The following CSDC2 variants were observed in gnomAD, a reference collection of about 807,000 sequenced individuals.
CSDC2 encodes the protein cold shock domain containing C2, also known as cold shock domain-containing protein C2.
A neutral mutation model predicts 15.8 loss-of-function variants in CSDC2; 8 were observed. That is an observed-to-expected ratio of 0.51 (90% CI 0.30 to 0.92). CSDC2 has a LOEUF of 0.92. CSDC2 is among the 40% of genes least tolerant of loss of function. The pLI, the probability that CSDC2 is intolerant of heterozygous loss-of-function variation, is 0.07. For synonymous variants in CSDC2, 96 were observed against 92.3 expected (o/e 1.04, Z -0.23); for missense variants, 195 against 213.3 (o/e 0.91, Z 0.53).
intron 1 of CSDC2, among the ~76,000 whole-genome samples, chr22:41,561,401 A>ATGTCTG (rs556364297): frequency 1.1e-3 from 161 of 152,182 alleles, no homozygotes; most frequent in Admixed American, 1.8e-3. Context: ...CCGTGGGAGC[A>ATGTCTG]TGTCTGTGTC....
chr22:41,561,892 C>A (rs1335859567), intron 1 of CSDC2, among the ~76,000 whole-genome samples: 1 of 152,178 alleles, frequency 6.6e-6, no homozygotes, highest in East Asian at 1.9e-4. Context: ...GATACAGGGA[C>A]TTAGGGTGGC....
Position 41,573,679 on chromosome 22 carries a change from C to T in CSDC2, c.201C>T (p.Pro67=). The T allele has an allele frequency of 3.1e-6, 5 of 1,613,484 alleles. No homozygotes were observed. The highest frequency in any genetic ancestry group is 3.4e-6 in the Non-Finnish European group (4 of 1,179,706). The change falls in exon 3 of 4, where the codon CCC becomes CCT. Residue 67 remains proline, a synonymous_variant. Coordinates refer to ENST00000306149, the MANE Select transcript of CSDC2 (RefSeq NM_014460.4). The part of the protein sequence containing the change: ...YSATARASAG[P]VFKGVCKQFS... ...GGACAGCCCGGGCCTCAGCTGGCCC[C>T]GTGTTCAAGGGCGTCTGTAAGCAGT...
chr22:41,565,949 C>T (rs954339784), intron 1 of CSDC2, among the ~76,000 whole-genome samples: 4 of 152,220 alleles, frequency 2.6e-5, no homozygotes, highest in East Asian at 1.9e-4. Flanking sequence ...TGGCTCCTCC[C>T]GACAACCTGG....
intron 1 of CSDC2, among the ~76,000 whole-genome samples, chr22:41,562,543 G>A (rs958790686): frequency 2.6e-5 from 4 of 152,132 alleles, no homozygotes; most frequent in African/African-American, 9.7e-5. Flanking sequence ...GATGCGCAGG[G>A]GGATTCCCTG....
Position 41,575,101 on chromosome 22 carries a change from G to A in CSDC2, c.*206G>A, listed in dbSNP as rs547490716. The A allele has an allele frequency of 3.1e-6, 2 of 642,088 alleles. No individual in the cohort carries two copies. The highest frequency in any genetic ancestry group is 1.8e-5 in the African/African-American group (1 of 54,584). The allele number at this position is 642,088 out of a possible 1,614,324, so 39.8% of individuals were successfully genotyped here. A position where few individuals can be genotyped will look rare whatever the true frequency, so the allele number is the denominator to read the frequency against. ...CGTGACTACTGTGCAAGCTGGCCAG[G>A]AGGTAGGTGGAGGGCAAGGCCACCA... is the stretch of plus-strand genomic sequence containing the variant. On this transcript the variant is annotated 3_prime_UTR_variant, in exon 4 of 4. Coordinates refer to ENST00000306149, the MANE Select transcript of CSDC2 (RefSeq NM_014460.4).
intron 1 of CSDC2, among the ~76,000 whole-genome samples, chr22:41,569,717 T>C (rs991709575): frequency 9.9e-5 from 15 of 152,044 alleles, no homozygotes; most frequent in Non-Finnish European, 1.8e-4. Context: ...TGTTGGCTGT[T>C]GTGAATGAGC....
rs528423858 is a variant in CSDC2 at position 41,573,627 on chromosome 22, A to G, written c.177-28A>G. The G allele has an allele frequency of 1.0e-5, 16 of 1,592,236 alleles. No homozygotes were observed. The South Asian group carries it at 1.7e-4, about 17-fold the overall frequency. Reference sequence around the variant, plus strand: ...TCCGGGGAGGAGTTCCTCAGGCCACAGCTCCAATCCCACTACCCTATCTCC... The same window carrying G: ...TCCGGGGAGGAGTTCCTCAGGCCACGGCTCCAATCCCACTACCCTATCTCC... On this transcript the variant is annotated intron_variant, in intron 2 of 3. Transcript: ENST00000306149.
intron 1 of CSDC2, among the ~76,000 whole-genome samples, chr22:41,571,592 G>A (rs769628065): frequency 2.6e-5 from 4 of 152,122 alleles, no homozygotes; most frequent in Non-Finnish European, 4.4e-5. Context: ...GACCATCACT[G>A]GCCACCCTAC....
chr22:41,562,280 T>G (rs2067090476), intron 1 of CSDC2, among the ~76,000 whole-genome samples: 1 of 151,988 alleles, frequency 6.6e-6, no homozygotes, highest in South Asian at 2.1e-4. Context: ...CAGAGTCCTC[T>G]GGACCCTCCA....
chr22:41,563,580 T>C (rs546241442), intron 1 of CSDC2, among the ~76,000 whole-genome samples: 1 of 151,962 alleles, frequency 6.6e-6, no homozygotes, highest in South Asian at 2.1e-4. Flanking sequence ...AAGCCAGAAA[T>C]AAAAGCCCCA....
Position 41,561,101 on chromosome 22 carries a change from T to C in CSDC2, c.-206T>C, listed in dbSNP as rs1221243616. The C allele has an allele frequency of 6.7e-6, 1 of 148,300 alleles. No homozygotes were observed. Among genetic ancestry groups the C allele is most frequent in the Non-Finnish European group, 1.5e-5 (1 of 68,366 alleles). 9.2% of individuals were successfully genotyped at this position (148,300 alleles called of 1,614,324 possible). A position where few individuals can be genotyped will look rare whatever the true frequency, so the allele number is the denominator to read the frequency against. Reference sequence around the variant, plus strand: ...ACACACATCTTCCAGACCCATCCCCTGCCTGCCAGCTCCACGAGCCAGAGA... The same window carrying C: ...ACACACATCTTCCAGACCCATCCCCCGCCTGCCAGCTCCACGAGCCAGAGA... On this transcript the variant is annotated 5_prime_UTR_variant, in exon 1 of 4. Coordinates refer to ENST00000306149, the MANE Select transcript of CSDC2 (RefSeq NM_014460.4).
rs1012039517 is a variant in CSDC2 at position 41,572,003 on chromosome 22, C to T, written c.38C>T (p.Pro13Leu). 15 of 1,364,090 alleles carry T rather than the reference C, an allele frequency of 1.1e-5. No individual in the cohort carries two copies. Among genetic ancestry groups the T allele is most frequent in the Non-Finnish European group, 1.4e-5 (15 of 1,056,822 alleles). 84.5% of individuals were successfully genotyped at this position (1,364,090 alleles called of 1,614,324 possible). Residue 13 changes from proline (P) to leucine (L), a missense_variant, in exon 2 of 4, where the codon CCG becomes CTG. Transcript: ENST00000306149. ...TCGACGTCACCCCCAGTTGTGCCCC[C>T]GCTCCACTCCCCCAAGTCCCCAGTC... ...SESTSPPVVP[P>L]LHSPKSPVWP...
chr22:41,571,226 C>T (rs542317843), intron 1 of CSDC2, among the ~76,000 whole-genome samples: 13 of 151,584 alleles, frequency 8.6e-5, no homozygotes, highest in South Asian at 6.2e-4. Flanking sequence ...TGGTGGCAGG[C>T]GCCTGTAATC....
Position 41,572,028 on chromosome 22 carries a change from C to T in CSDC2, c.63C>T (p.Val21=). The T allele has an allele frequency of 7.3e-7, 1 of 1,362,378 alleles. No individual in the cohort carries two copies. Among genetic ancestry groups the T allele is most frequent in the African/African-American group, 1.5e-5 (1 of 65,982 alleles). The allele number at this position is 1,362,378 out of a possible 1,614,324, so 84.4% of individuals were successfully genotyped here. ...CGCTCCACTCCCCCAAGTCCCCAGT[C>T]TGGCCCACCTTCCCCTTCCACAGGG... ...VPPLHSPKSP[V]WPTFPFHREG... The change falls in exon 2 of 4, where the codon GTC becomes GTT. Residue 21 remains valine (V), a synonymous_variant. Transcript: ENST00000306149.
In CSDC2 at chr22:41,572,075, G is replaced by A. The variant is rs541183485; in HGVS notation, c.110G>A (p.Arg37Gln). 30 of 1,361,224 alleles carry A rather than the reference G, an allele frequency of 2.2e-5. No homozygotes were observed. Among genetic ancestry groups the A allele is most frequent in the Middle Eastern group, 1.9e-4 (1 of 5,174 alleles). The allele number at this position is 1,361,224 out of a possible 1,614,324, so 84.3% of individuals were successfully genotyped here. A position where few individuals can be genotyped will look rare whatever the true frequency, so the allele number is the denominator to read the frequency against. The change falls in exon 2 of 4, where the codon CGG becomes CAG. Residue 37 changes from arginine to glutamine, a missense_variant. Arg to Gln is a conservative substitution (Grantham distance 43). Transcript: ENST00000306149. ...AGGGAGGGCAGCAGGGTCTGGGAGC[G>A]GGGTGGTGTCCCACCTCGGGACCTA... ...FHREGSRVWE[R>Q]GGVPPRDLPS...
rs770472000 is a variant in CSDC2 at position 41,574,883 on chromosome 22, C to G, written c.450C>G (p.Val150=). The stretch of plus-strand genomic sequence containing the variant: ...CCCACGAGACGTGGTCTGGCCAGGT[C>G]GTGGGCTCCTAGGCTGAGTGGTTCA... The part of the protein sequence containing the change: ...HTPHETWSGQ[V]VGS The change falls in exon 4 of 4, where the codon GTC becomes GTG. Residue 150 remains valine, a synonymous_variant. Transcript: ENST00000306149. 1 of 1,595,958 alleles carries G rather than the reference C, an allele frequency of 6.3e-7. No individual in the cohort carries two copies. Among genetic ancestry groups the G allele is most frequent in the East Asian group, 2.3e-5 (1 of 43,902 alleles).
Position 41,570,244 on chromosome 22 carries a change from C to T in CSDC2, c.-123-1599C>T, listed in dbSNP as rs568967977. Among the ~76,000 whole-genome samples, 15 of 152,276 alleles carry T rather than the reference C, an allele frequency of 9.9e-5. No individual in the cohort carries two copies. In the South Asian group the frequency reaches 3.1e-3, roughly 32 times the overall value. On this transcript the variant is annotated intron_variant, in intron 1 of 3. Coordinates refer to ENST00000306149, the MANE Select transcript of CSDC2 (RefSeq NM_014460.4). ...GAGGGTCTGTGAGGCAAGCCAAGCC[C>T]GGGGCTCCAGTGCCTTCCTGACTGG...
intron 1 of CSDC2, among the ~76,000 whole-genome samples, chr22:41,569,316 C>T (rs1327682235): frequency 1.3e-5 from 2 of 152,218 alleles, no homozygotes; most frequent in Admixed American, 6.5e-5. Flanking sequence ...CTGCTTAAGG[C>T]GTTCAGTTCA....
At chr22:41,573,553 A>G (rs1381291451) in intron 2 of CSDC2, 102 bp from the exon 3 acceptor site, 5 of 1,405,274 alleles carry the variant, frequency 3.6e-6, no homozygotes, top group Non-Finnish European at 4.8e-6. Context: ...CAAGTTTCTC[A>G]CAGCCCTGAG....
Sources: allele counts gnomAD v4.1 joint callset (sites outside exome capture counted in the v4.1 genomes callset), GRCh38; gene constraint gnomAD v4.1.1; transcripts MANE v1.5; gene names NCBI Gene and HGNC (gene_info 2026-07-23, HGNC 2026-07-21).